The following UXS1 variants were observed in gnomAD, a reference collection of about 807,000 sequenced individuals.
UXS1 encodes UDP-glucuronic acid decarboxylase 1.
UXS1 carries 33 observed loss-of-function variants against 62.6 expected under a neutral mutation model. The ratio of observed to expected loss-of-function variants is 0.53; its 90% confidence interval spans 0.40 to 0.70. The LOEUF (loss-of-function observed/expected upper bound fraction) is 0.70, where lower values mean the gene tolerates loss of function less well. Among genes scored for constraint, UXS1 ranks in the 30% least tolerant of loss-of-function variants. The pLI, the probability that UXS1 is intolerant of heterozygous loss-of-function variation, is 0.00. For synonymous variants in UXS1, 213 were observed against 206.8 expected, an observed-to-expected ratio of 1.03 and a Z score of -0.26; for missense variants, 434 against 556.3, an observed-to-expected ratio of 0.78 and a Z score of 2.21.
At chr2:106,189,968 G>T (rs976366862) in intron 1 of UXS1, among the ~76,000 whole-genome samples, 1 of 152,190 alleles carries the variant, frequency 6.6e-6, no homozygotes, top group African/African-American at 2.4e-5. Flanking sequence ...GGCTGATGTG[G>T]GTGCAGGTGG....
chr2:106,103,999 G>A (rs968982403), intron 11 of UXS1, among the ~76,000 whole-genome samples: 2 of 152,190 alleles, frequency 1.3e-5, no homozygotes, highest in Non-Finnish European at 2.9e-5. Flanking sequence ...TCACCCTAGT[G>A]CCCCTGGGAT....
At chr2:106,161,657 AACTT>A (rs1682902848) in intron 4 of UXS1, among the ~76,000 whole-genome samples, 1 of 152,220 alleles carries the variant, frequency 6.6e-6, no homozygotes, top group African/African-American at 2.4e-5. Context: ...TTCCAGATTA[AACTT>A]ACTGTTTAGC....
intron 4 of UXS1, among the ~76,000 whole-genome samples, chr2:106,158,836 T>C (rs553632832): frequency 6.6e-6 from 1 of 152,214 alleles, no homozygotes; most frequent in East Asian, 1.9e-4. Flanking sequence ...ACAGATAACA[T>C]CACTATTGTG....
chr2:106,180,183 C>T (rs1272661589), intron 1 of UXS1, among the ~76,000 whole-genome samples: 2 of 152,290 alleles, frequency 1.3e-5, no homozygotes, highest in South Asian at 2.1e-4. Flanking sequence ...AAACCATTTA[C>T]ATTTTAAAAG....
At chr2:106,165,344 T>C (rs1683149992) in intron 2 of UXS1, among the ~76,000 whole-genome samples, 1 of 152,052 alleles carries the variant, frequency 6.6e-6, no homozygotes, top group Admixed American at 6.5e-5. Flanking sequence ...ATAGTAACCT[T>C]TTACCCTGGT....
intron 10 of UXS1, among the ~76,000 whole-genome samples, chr2:106,109,803 C>A (rs1678430653): frequency 6.6e-6 from 1 of 152,214 alleles, no homozygotes; most frequent in African/African-American, 2.4e-5. Context: ...TGCTCAAAAA[C>A]ACGGCTGCAA....
At chr2:106,193,156 G>T (rs1195269672) in intron 1 of UXS1, among the ~76,000 whole-genome samples, 1 of 151,992 alleles carries the variant, frequency 6.6e-6, no homozygotes, top group Non-Finnish European at 1.5e-5. Context: ...CCTTCCTAGA[G>T]CTCAACTGAA....
intron 5 of UXS1, among the ~76,000 whole-genome samples, chr2:106,149,873 T>C (rs1681873185): frequency 6.6e-6 from 1 of 152,108 alleles, no homozygotes; most frequent in Non-Finnish European, 1.5e-5. Flanking sequence ...AGAGAAGAGC[T>C]GTGGGGGAAG....
chr2:106,136,965 C>CAAAAAAAAAA (rs397701050), intron 6 of UXS1, among the ~76,000 whole-genome samples: 21 of 54,164 alleles, frequency 3.9e-4, no homozygotes, highest in Non-Finnish European at 5.3e-4. Context: ...AGAACACACA[C>CAAAAAAAAAA]AAAAAAAAAA....
At chr2:106,123,494 C>T (rs976130453) in intron 8 of UXS1, among the ~76,000 whole-genome samples, 2 of 151,952 alleles carry the variant, frequency 1.3e-5, no homozygotes, top group Non-Finnish European at 2.9e-5. Context: ...AAATGAAAAA[C>T]GCAGCATCTC....
At chr2:106,109,675 C>A (rs140153196) in intron 10 of UXS1, among the ~76,000 whole-genome samples, 2 of 152,282 alleles carry the variant, frequency 1.3e-5, no homozygotes, top group African/African-American at 4.8e-5. Context: ...GAACATGATT[C>A]CACTTAAAAT....
At chr2:106,131,312 G>C (rs1252436804) in intron 6 of UXS1, among the ~76,000 whole-genome samples, 3 of 109,082 alleles carry the variant, frequency 2.8e-5, no homozygotes, top group Admixed American at 9.3e-5. Flanking sequence ...ACTGCAAGGC[G>C]GCAACGAGGC....
chr2:106,164,886 C>A lies in UXS1; in HGVS notation c.123-87G>T, dbSNP rs141885601. ...CCTAACATAACCCAACGGATGCAGA[C>A]CACCTCTGTCTCCTGCTCAAGTATC... On this transcript the variant is annotated intron_variant, in intron 2 of 14. Transcript: ENST00000283148. 4.7e-3 allele frequency: 4,299 copies of A among 907,492 alleles called. 15 individuals carry two copies. The highest frequency in any genetic ancestry group is 6.3e-3 in the Non-Finnish European group (3,807 of 601,586). 56.2% of individuals were successfully genotyped at this position (907,492 alleles called of 1,614,324 possible). A position where few individuals can be genotyped will look rare whatever the true frequency, so the allele number is the denominator to read the frequency against.
chr2:106,138,122 A>T (rs561918612), intron 6 of UXS1: 1 of 965,156 alleles, frequency 1.0e-6, no homozygotes, highest in Non-Finnish European at 1.2e-6. Flanking sequence ...GTGCCTTGAG[A>T]GTACAGGAAG....
At chr2:106,141,833 A>T (rs984135207) in intron 6 of UXS1, among the ~76,000 whole-genome samples, 6 of 148,502 alleles carry the variant, frequency 4.0e-5, no homozygotes, top group Non-Finnish European at 8.9e-5. Flanking sequence ...AAAAAATCAC[A>T]TTTAGGAAAA....
In UXS1 at chr2:106,194,270, T is replaced by TGCCGCGCGGGTCC. The variant is rs1685134401; in HGVS notation, c.-30_-29insGGACCCGCGCGGC. On this transcript the variant is annotated 5_prime_UTR_variant, in exon 1 of 15. Transcript: ENST00000283148. Reference sequence around the variant, plus strand: ...CGGGAGCCGCGCGGGTCCAGGGCCCTACCGCGCGGGGGCCCGCCTGCTGCA... The same window carrying TGCCGCGCGGGTCC: ...CGGGAGCCGCGCGGGTCCAGGGCCCTGCCGCGCGGGTCCACCGCGCGGGGGCCCGCCTGCTGCA... 5 of 1,194,566 alleles carry TGCCGCGCGGGTCC rather than the reference T, an allele frequency of 4.2e-6. No homozygotes were observed. The highest frequency in any genetic ancestry group is 3.6e-5 in the Admixed American group (1 of 28,062). 74.0% of individuals were successfully genotyped at this position (1,194,566 alleles called of 1,614,324 possible).
chr2:106,124,826 T>A (rs2104930010), intron 8 of UXS1, among the ~76,000 whole-genome samples: 1 of 152,342 alleles, frequency 6.6e-6, no homozygotes, highest in Non-Finnish European at 1.5e-5. Flanking sequence ...TTAGAAGAAT[T>A]TCTCTGTTGC....
At chr2:106,111,931 C>G (rs910831894) in intron 10 of UXS1, among the ~76,000 whole-genome samples, 2 of 151,794 alleles carry the variant, frequency 1.3e-5, no homozygotes, top group African/African-American at 4.8e-5. Context: ...GAGGAGTGAC[C>G]GGGGAGCTGG....
In UXS1 at chr2:106,125,693, T is replaced by C; in HGVS notation, c.578-14A>G. On this transcript the variant is annotated splice_polypyrimidine_tract_variant and intron_variant, in intron 7 of 14. Transcript: ENST00000283148. ...GTTTTGCCAGCCCTACAGAAAGCAATGACATGATAAAAGAGACTGAATTTA... is the reference window on the plus strand; with the variant it reads ...GTTTTGCCAGCCCTACAGAAAGCAACGACATGATAAAAGAGACTGAATTTA... The C allele has an allele frequency of 1.3e-6, 2 of 1,562,676 alleles. No homozygotes were observed. Among genetic ancestry groups the C allele is most frequent in the South Asian group, 2.4e-5 (2 of 83,644 alleles).
Sources: gnomAD v4.1 joint callset for allele counts (sites outside exome capture counted in the v4.1 genomes callset) on GRCh38, gnomAD v4.1.1 for gene constraint, MANE v1.5 for transcripts, NCBI Gene and HGNC (gene_info 2026-07-23, HGNC 2026-07-21) for gene names.